ENKUR: variants seen among roughly 807,000 people sequenced by gnomAD.
ENKUR encodes enkurin.
A neutral mutation model predicts 27.6 loss-of-function variants in ENKUR; 19 were observed. The ratio of observed to expected loss-of-function variants is 0.69; its 90% CI spans 0.48 to 1.01. The LOEUF (loss-of-function observed/expected upper bound fraction) is 1.01. Among genes scored for constraint, ENKUR ranks in the 50% least tolerant of loss-of-function variants. The pLI, the probability that ENKUR is intolerant of heterozygous loss-of-function variation, is 0.00. For synonymous variants in ENKUR, 117 were observed against 96.9 expected (o/e 1.21, Z -1.22); for missense variants, 312 against 310.5 (o/e 1.00, Z -0.04).
intron 1 of ENKUR, among the ~76,000 whole-genome samples, chr10:25,001,094 T>C (rs1408876551): frequency 6.6e-6 from 1 of 152,078 alleles, no homozygotes; most frequent in African/African-American, 2.4e-5. Context: ...TAATTGTATT[T>C]TAAATACATT....
chr10:25,035,817 C>T (rs1162736539), intron 2 of ENKUR, among the ~76,000 whole-genome samples: 1 of 152,160 alleles, frequency 6.6e-6, no homozygotes, highest in African/African-American at 2.4e-5. Flanking sequence ...ACAGAATATT[C>T]TTATCTGTTT....
At position 24,996,456 on chromosome 10, in the gene ENKUR, G is replaced by GTATA. The variant is rs1554769551; in HGVS notation, c.224-591_224-588dup. Among the ~76,000 whole-genome samples the GTATA allele has an allele frequency of 3.6e-3, 539 of 149,796 alleles. 2 individuals carry two copies. The highest frequency in any genetic ancestry group is 0.013 in the African/African-American group (512 of 40,688). On this transcript the variant is annotated intron_variant, in intron 2 of 5. Coordinates refer to ENST00000331161, the MANE Select transcript of ENKUR (RefSeq NM_145010.4). ...CATATATGTGTGTGTGTGTGTGTGT[G>GTATA]TATATATATATATATGAACAGTATA... is the stretch of plus-strand genomic sequence containing the variant.
In ENKUR at chr10:25,054,465, C is replaced by CTTTCTT. The variant is rs1292221052; in HGVS notation, c.37+6641_37+6646dup. On this transcript the variant is annotated intron_variant, in intron 2 of 5. Transcript: ENST00000615958. ...GAATGGTGTTTTTTCTCTTTTCTTT[C>CTTTCTT]TTTCTTTCTTTCTTTCTTTCTTTCT... Among the ~76,000 whole-genome samples the CTTTCTT allele has an allele frequency of 1.9e-4, 17 of 91,306 alleles. 1 individual carries two copies. The highest frequency in any genetic ancestry group is 1.2e-4 in the Non-Finnish European group (5 of 42,000). 59.9% of individuals were successfully genotyped at this position (91,306 alleles called of 152,430 possible).
At chr10:25,031,479 T>C (rs1018402577) in intron 2 of ENKUR, among the ~76,000 whole-genome samples, 3 of 152,214 alleles carry the variant, frequency 2.0e-5, no homozygotes, top group East Asian at 1.9e-4. Context: ...GAAGACATGC[T>C]AAACTGAACC....
rs563342789 is a variant in ENKUR at position 25,011,625 on chromosome 10, A to G, written c.77+4235T>C. Among the ~76,000 whole-genome samples the G allele has an allele frequency of 2.3e-3, 344 of 152,344 alleles. 1 individual carries two copies. The highest frequency in any genetic ancestry group is 3.4e-3 in the Middle Eastern group (1 of 294). The stretch of plus-strand genomic sequence containing the variant: ...TTAAACGTTAGACCTGCAACCATAA[A>G]GACCCTAGAAGAAAACCTAGGCATT... On this transcript the variant is annotated intron_variant, in intron 1 of 5. Coordinates refer to ENST00000331161, the MANE Select transcript of ENKUR (RefSeq NM_145010.4).
In ENKUR at chr10:25,054,428, A is replaced by C. The variant is rs1031714962; in HGVS notation, c.37+6684T>G. On this transcript the variant is annotated intron_variant, in intron 2 of 5. Transcript: ENST00000615958. ...CAAGAGTGAAACTCCGTCTCAAATA[A>C]ACAAATAAATAGAATGGTGTTTTTT... Among the ~76,000 whole-genome samples the C allele has an allele frequency of 3.3e-5, 5 of 152,016 alleles. No individual in the cohort carries two copies. In the South Asian group the frequency reaches 8.3e-4, roughly 25 times the overall value.
intron 2 of ENKUR, among the ~76,000 whole-genome samples, chr10:24,996,877 G>T (rs1850072757): frequency 6.6e-6 from 1 of 152,142 alleles, no homozygotes; most frequent in African/African-American, 2.4e-5. Flanking sequence ...AACTGTATTT[G>T]TAGAAAGGTC....
At chr10:25,024,954 C>G (rs543682774) in intron 2 of ENKUR, 2 of 1,614,086 alleles carry the variant, frequency 1.2e-6, no homozygotes, top group Non-Finnish European at 1.7e-6. Flanking sequence ...GACATTTACA[C>G]TTGATGGCTA....
chr10:25,027,299 T>C (rs1850870383), intron 2 of ENKUR, among the ~76,000 whole-genome samples: 1 of 132,484 alleles, frequency 7.5e-6, no homozygotes, highest in Non-Finnish European at 1.5e-5. Flanking sequence ...GAGTTTGCAG[T>C]GAGCCGAAAT....
At chr10:24,995,914 T>A (rs763408654) in intron 2 of ENKUR, 45 bp from the exon 3 acceptor site, 5 of 1,412,650 alleles carry the variant, frequency 3.5e-6, no homozygotes, top group Non-Finnish European at 4.9e-6. Flanking sequence ...CTACAAACAC[T>A]GCTACTCAGT....
intron 1 of ENKUR, among the ~76,000 whole-genome samples, chr10:25,010,484 T>G (rs1429541908): frequency 3.3e-5 from 5 of 151,988 alleles, no homozygotes; most frequent in African/African-American, 1.2e-4. Flanking sequence ...AGGGTACATG[T>G]GCACAATGTG....
chr10:25,025,526 T>A, intron 2 of ENKUR: 1 of 1,403,824 alleles, frequency 7.1e-7, no homozygotes, highest in Non-Finnish European at 9.7e-7. Flanking sequence ...TGATTTGGAG[T>A]ACAGTAGCAT....
At chr10:25,016,483 C>A (rs1269897936), upstream of ENKUR, among the ~76,000 whole-genome samples, 1 of 152,196 alleles carries the variant, frequency 6.6e-6, no homozygotes, top group Non-Finnish European at 1.5e-5. Flanking sequence ...GCTGAGACCA[C>A]GAGGACGCAA....
At chr10:25,037,537 A>G (rs994275922) in intron 2 of ENKUR, among the ~76,000 whole-genome samples, 2 of 152,160 alleles carry the variant, frequency 1.3e-5, no homozygotes, top group Non-Finnish European at 2.9e-5. Context: ...TGATTTCCAA[A>G]CCCTCTTCCA....
intron 3 of ENKUR, 27 bp downstream of exon 3, chr10:24,995,619 C>G: frequency 6.4e-7 from 1 of 1,553,898 alleles, no homozygotes; most frequent in Non-Finnish European, 8.8e-7. Context: ...GAATTTCAGC[C>G]CTCTTATTAA....
chr10:25,016,371 A>G (rs1212964936), upstream of ENKUR, among the ~76,000 whole-genome samples: 1 of 152,220 alleles, frequency 6.6e-6, no homozygotes, highest in Non-Finnish European at 1.5e-5. Flanking sequence ...TGGGGAAAAA[A>G]GAAAAATCCT....
chr10:25,048,013 G>A (rs114722762), intron 2 of ENKUR, among the ~76,000 whole-genome samples: 506 of 152,156 alleles, frequency 3.3e-3, no homozygotes, highest in African/African-American at 0.011. Flanking sequence ...ATTCTTCAAG[G>A]TCAAGTCCTG....
intron 2 of ENKUR, among the ~76,000 whole-genome samples, chr10:25,055,942 G>A (rs1156944196): frequency 6.6e-6 from 1 of 152,184 alleles, no homozygotes; most frequent in Admixed American, 6.5e-5. Flanking sequence ...GCTGGCATGG[G>A]TTGCACTGTA....
chr10:24,982,606 A>C lies in ENKUR; in HGVS notation c.*1764T>G, dbSNP rs1050508143. On this transcript the variant is annotated 3_prime_UTR_variant, in exon 6 of 6. Coordinates refer to ENST00000331161, the MANE Select transcript of ENKUR (RefSeq NM_145010.4). ...GAGAGAATCTGATCAGTCACTGGTC[A>C]GCTGTCCAAGTCAGATGTTTGTCCC... The C allele has an allele frequency of 2.6e-5, 4 of 152,222 alleles. No individual in the cohort carries two copies. The highest frequency in any genetic ancestry group is 9.6e-5 in the African/African-American group (4 of 41,460). 9.4% of individuals were successfully genotyped at this position (152,222 alleles called of 1,614,324 possible). A position where few individuals can be genotyped will look rare whatever the true frequency, so the allele number is the denominator to read the frequency against.
Sources: allele counts gnomAD v4.1 joint callset (sites outside exome capture counted in the v4.1 genomes callset), GRCh38; gene constraint gnomAD v4.1.1; transcripts MANE v1.5; gene names NCBI Gene and HGNC (gene_info 2026-07-23, HGNC 2026-07-21).